ELAVL4: variants seen among roughly 807,000 people sequenced by gnomAD.
ELAVL4 encodes ELAV like RNA binding protein 4.
In ELAVL4, 1 loss-of-function variant was observed where a neutral mutation model predicts 35.6. The ratio of observed to expected loss-of-function variants is 0.03; its 90% CI spans 0.01 to 0.13. The LOEUF (loss-of-function observed/expected upper bound fraction) is 0.13, where lower values mean the gene tolerates loss of function less well. Among genes scored for constraint, ELAVL4 ranks in the 10% least tolerant of loss-of-function variants. The pLI is 1.00. For synonymous variants in ELAVL4, 156 were observed against 171.0 expected (o/e 0.91, Z 0.69); for missense variants, 267 against 464.9 (o/e 0.57, Z 3.91).
chr1:50,069,928 T>C (rs572704439), intron 1 of ELAVL4, among the ~76,000 whole-genome samples: 1 of 152,344 alleles, frequency 6.6e-6, no homozygotes, highest in Non-Finnish European at 1.5e-5. Context: ...CTAAGTATTG[T>C]AAACATTTCT....
chr1:50,182,110 T>G (rs1386780542), intron 3 of ELAVL4, among the ~76,000 whole-genome samples: 2 of 152,280 alleles, frequency 1.3e-5, no homozygotes, highest in African/African-American at 4.8e-5. Flanking sequence ...CCTGACCTTC[T>G]GTTGGGCTCC....
chr1:50,067,462 C>T (rs566370190), intron 1 of ELAVL4, among the ~76,000 whole-genome samples: 3 of 152,186 alleles, frequency 2.0e-5, no homozygotes, highest in Non-Finnish European at 4.4e-5. Context: ...CAAGGAGTTT[C>T]CAGCCATGTA....
At chr1:50,081,337 G>C (rs1311224682) in intron 1 of ELAVL4, among the ~76,000 whole-genome samples, 1 of 152,218 alleles carries the variant, frequency 6.6e-6, no homozygotes, top group African/African-American at 2.4e-5. Context: ...TGAAGGTTAT[G>C]AACAGCACAT....
At chr1:50,053,869 G>A (rs994564993) in intron 1 of ELAVL4, among the ~76,000 whole-genome samples, 1 of 152,236 alleles carries the variant, frequency 6.6e-6, no homozygotes, top group Non-Finnish European at 1.5e-5. Context: ...AAGGATTCCA[G>A]TGGAGGATTG....
At chr1:50,198,729 A>G (rs1346447126) in intron 6 of ELAVL4, among the ~76,000 whole-genome samples, 1 of 152,228 alleles carries the variant, frequency 6.6e-6, no homozygotes, top group Non-Finnish European at 1.5e-5. Context: ...TAGATAAGAT[A>G]GGGGAAGACA....
chr1:50,121,295 T>C (rs1267298769), intron 1 of ELAVL4, among the ~76,000 whole-genome samples: 1 of 152,052 alleles, frequency 6.6e-6, no homozygotes, highest in Non-Finnish European at 1.5e-5. Context: ...GGAGGATCCA[T>C]TGAATTGTAT....
chr1:50,097,247 G>A (rs555437374), intron 1 of ELAVL4, among the ~76,000 whole-genome samples: 25 of 152,056 alleles, frequency 1.6e-4, no homozygotes, highest in East Asian at 1.4e-3. Flanking sequence ...AAAACCTCTC[G>A]TGACCAGACT....
chr1:50,114,642 G>T (rs1331009748), intron 1 of ELAVL4, among the ~76,000 whole-genome samples: 1 of 152,098 alleles, frequency 6.6e-6, no homozygotes, highest in Non-Finnish European at 1.5e-5. Context: ...AACTGGTGCA[G>T]TGCAAGATGC....
intron 3 of ELAVL4, among the ~76,000 whole-genome samples, chr1:50,178,630 A>G (rs1390305408): frequency 6.6e-6 from 1 of 152,226 alleles, no homozygotes; most frequent in Non-Finnish European, 1.5e-5. Context: ...TAATGAGGAA[A>G]TAATCAAGAG....
At chr1:50,163,613 G>T (rs929560165) in intron 2 of ELAVL4, among the ~76,000 whole-genome samples, 6 of 152,138 alleles carry the variant, frequency 3.9e-5, no homozygotes, top group African/African-American at 1.4e-4. Context: ...ATCACTTGAG[G>T]CCAGAAGTTC....
At chr1:50,102,462 C>G (rs1010478181), upstream of ELAVL4, among the ~76,000 whole-genome samples, 2 of 151,254 alleles carry the variant, frequency 1.3e-5, no homozygotes, top group Admixed American at 1.3e-4. Flanking sequence ...TTCCTTCTTT[C>G]TCCTCCTCCT....
intron 1 of ELAVL4, among the ~76,000 whole-genome samples, chr1:50,069,529 A>G (rs1226280467): frequency 1.3e-5 from 2 of 152,134 alleles, no homozygotes; most frequent in Non-Finnish European, 2.9e-5. Context: ...TGGCCCAGAG[A>G]AGTTGTTCAA....
At chr1:50,076,208 T>C (rs1436438172) in intron 1 of ELAVL4, among the ~76,000 whole-genome samples, 3 of 152,140 alleles carry the variant, frequency 2.0e-5, no homozygotes, top group Non-Finnish European at 4.4e-5. Flanking sequence ...GGGGAGATTG[T>C]AGAGGATTTC....
At chr1:50,095,554 A>G (rs1665685452) in intron 1 of ELAVL4, among the ~76,000 whole-genome samples, 1 of 151,524 alleles carries the variant, frequency 6.6e-6, no homozygotes, top group Admixed American at 6.6e-5. Context: ...TATAATTTTT[A>G]CACACACACA....
intron 1 of ELAVL4, among the ~76,000 whole-genome samples, chr1:50,066,935 A>C (rs1230479621): frequency 6.6e-6 from 1 of 152,110 alleles, no homozygotes; most frequent in Non-Finnish European, 1.5e-5. Flanking sequence ...TGTCTCATTG[A>C]TGTAACATGA....
In ELAVL4 at chr1:50,128,925, C is replaced by G. The variant is rs144969697; in HGVS notation, c.10-16032C>G. Among the ~76,000 whole-genome samples, 489 of 152,068 alleles carry G rather than the reference C, an allele frequency of 3.2e-3. 7 individuals carry two copies. Among genetic ancestry groups the G allele is most frequent in the African/African-American group, 0.011 (466 of 41,484 alleles). On this transcript the variant is annotated intron_variant, in intron 1 of 6. Coordinates refer to ENST00000371824, the MANE Select transcript of ELAVL4 (RefSeq NM_001144774.3). ...GTGAATATTGGCTAGTTAGCTTTAC[C>G]TTTCATTTGCTCCTTAACCCTTAGT...
intron 5 of ELAVL4, 106 bp downstream of exon 5, chr1:50,195,892 AC>A: frequency 2.3e-6 from 3 of 1,294,486 alleles, no homozygotes; most frequent in South Asian, 1.4e-5. Context: ...AAAAGCTTCC[AC>A]CCCCAGGAAT....
intron 1 of ELAVL4, among the ~76,000 whole-genome samples, chr1:50,111,134 T>C (rs1463419199): frequency 3.3e-5 from 5 of 151,322 alleles, no homozygotes; most frequent in Non-Finnish European, 7.4e-5. Context: ...CCTGTTTTTG[T>C]GTGTGTGTGC....
At chr1:50,085,877 A>G (rs938815896) in intron 1 of ELAVL4, among the ~76,000 whole-genome samples, 3 of 152,230 alleles carry the variant, frequency 2.0e-5, no homozygotes, top group African/African-American at 7.2e-5. Flanking sequence ...AGGGGGAGAT[A>G]GATGCAGAGA....
Sources: allele counts gnomAD v4.1 joint callset (sites outside exome capture counted in the v4.1 genomes callset), GRCh38; gene constraint gnomAD v4.1.1; transcripts MANE v1.5; gene names NCBI Gene and HGNC (gene_info 2026-07-23, HGNC 2026-07-21).